Variants in DMD observed in about 807,000 individuals in gnomAD.
The protein encoded by DMD is mutant dystrophin.
A neutral mutation model predicts 330.1 loss-of-function variants in DMD; 63 were observed. That is an observed-to-expected ratio of 0.19 (90% CI 0.16 to 0.24). The LOEUF (loss-of-function observed/expected upper bound fraction) is 0.24, where lower values mean the gene tolerates loss of function less well. Ranked by LOEUF, DMD falls within the 10% of genes least tolerant of loss-of-function variation. The probability of loss-of-function intolerance (pLI) is 1.00; values close to 1 mark genes in which losing one functional copy is unlikely to be tolerated. For synonymous variants in DMD, 1,223 were observed against 959.8 expected (o/e 1.27, Z -5.07); for missense variants, 3,344 against 2,684.1 (o/e 1.25, Z -5.43).
At chrX:32,860,579 A>ATT (rs11427173) in intron 2 of DMD, among the ~76,000 whole-genome samples, 20 of 107,827 alleles carry the variant, frequency 1.9e-4, no homozygotes, top group African/African-American at 6.1e-4. Context: ...TTCCGAGTTG[A>ATT]TTTTTTTTTT....
In DMD at chrX:31,417,691, C is replaced by CT. The variant is rs767463746; in HGVS notation, c.9084+26789dup. Among the ~76,000 whole-genome samples the CT allele has an allele frequency of 6.3e-3, 627 of 99,203 alleles. 4 individuals carry two copies. The highest frequency in any genetic ancestry group is 0.017 in the African/African-American group (476 of 27,536). 86.1% of individuals were successfully genotyped at this position (99,203 alleles called of 115,157 possible). A position where few individuals can be genotyped will look rare whatever the true frequency, so the allele number is the denominator to read the frequency against. ...ATATACAGCAAATATATTATCACTT[C>CT]TTTTTTTTTTTTTTGGAGACAGTTT... is the stretch of plus-strand genomic sequence containing the variant. On this transcript the variant is annotated intron_variant, in intron 60 of 78. Transcript: ENST00000357033.
At chrX:33,130,845 C>T (rs1349376622) in intron 1 of DMD, among the ~76,000 whole-genome samples, 2 of 111,792 alleles carry the variant, frequency 1.8e-5, no homozygotes, top group Non-Finnish European at 3.8e-5. Flanking sequence ...GCCACAGCGC[C>T]TGGCCGGGAC....
At chrX:33,010,244 G>A (rs867940032) in intron 2 of DMD, among the ~76,000 whole-genome samples, 1 of 99,952 alleles carries the variant, frequency 1.0e-5, no homozygotes, top group Non-Finnish European at 2.0e-5. Context: ...ATGTACATAT[G>A]TGTGTATATA....
chrX:33,108,522 T>G (rs769401013), intron 1 of DMD, among the ~76,000 whole-genome samples: 30 of 106,146 alleles, frequency 2.8e-4, no homozygotes, highest in African/African-American at 9.8e-4. Flanking sequence ...CGCCTCAGCC[T>G]GCCAAAGTGC....
At chrX:31,849,522 C>T (rs965966789) in intron 48 of DMD, among the ~76,000 whole-genome samples, 26 of 110,158 alleles carry the variant, frequency 2.4e-4, no homozygotes, top group African/African-American at 8.6e-4. Context: ...ATGGAACATG[C>T]AAAGACAGGA....
intron 1 of DMD, among the ~76,000 whole-genome samples, chrX:33,168,812 G>C (rs902862784): frequency 1.8e-5 from 2 of 110,150 alleles, no homozygotes; most frequent in South Asian, 3.7e-4. Context: ...AAGAGAAGGC[G>C]TAAAGGATAC....
At chrX:32,403,610 C>T (rs1198977330) in intron 30 of DMD, among the ~76,000 whole-genome samples, 1 of 111,639 alleles carries the variant, frequency 9.0e-6, no homozygotes, top group Admixed American at 9.5e-5. Flanking sequence ...GTGTTTATGA[C>T]TGTTTCCCAC....
At chrX:32,632,627 G>A (rs1356480397) in intron 11 of DMD, among the ~76,000 whole-genome samples, 1 of 111,423 alleles carries the variant, frequency 9.0e-6, no homozygotes, top group Non-Finnish European at 1.9e-5. Flanking sequence ...CTTGCACTCT[G>A]TGCACCTGCA....
At chrX:32,654,609 CTCT>C (rs2060420080) in intron 9 of DMD, among the ~76,000 whole-genome samples, 1 of 99,590 alleles carries the variant, frequency 1.0e-5, no homozygotes, top group Non-Finnish European at 2.0e-5. Context: ...GTCTAAAATT[CTCT>C]TTTTTTTGTT....
At position 31,695,971 on chromosome X, in the gene DMD, T is replaced by C. The variant is rs2083432233; in HGVS notation, c.7661-16385A>G. On this transcript the variant is annotated intron_variant, in intron 52 of 78. Coordinates refer to ENST00000357033, the MANE Select transcript of DMD (RefSeq NM_004006.3). ...TGAGAAGTATTTGAGGTGATAGATATGCTATTAGCCTGATTTGATTATTCC... is the reference window on the plus strand; with the variant it reads ...TGAGAAGTATTTGAGGTGATAGATACGCTATTAGCCTGATTTGATTATTCC... 3.6e-5 allele frequency among the ~76,000 whole-genome samples: 4 copies of C among 111,704 alleles called. No individual in the cohort carries two copies. The Admixed American group carries it at 3.8e-4, about 11-fold the overall frequency.
At chrX:31,963,130 G>A (rs1261041420) in intron 45 of DMD, among the ~76,000 whole-genome samples, 2 of 111,751 alleles carry the variant, frequency 1.8e-5, no homozygotes, top group Non-Finnish European at 3.8e-5. Context: ...AATTGCTAAT[G>A]GAGACTTTCA....
upstream of DMD, among the ~76,000 whole-genome samples, chrX:33,212,200 A>G (rs2051945350): frequency 8.9e-6 from 1 of 112,579 alleles, no homozygotes; most frequent in South Asian, 3.6e-4. Flanking sequence ...CCTAAATTTC[A>G]GTTGTGAATT....
chrX:31,630,036 T>G (rs2079053164), intron 54 of DMD, among the ~76,000 whole-genome samples: 1 of 112,586 alleles, frequency 8.9e-6, no homozygotes, highest in Non-Finnish European at 1.9e-5. Flanking sequence ...AGCTTCATGA[T>G]GAGCTGCGCT....
At chrX:32,673,455 G>A (rs1342405955) in intron 9 of DMD, among the ~76,000 whole-genome samples, 1 of 111,365 alleles carries the variant, frequency 9.0e-6, no homozygotes, top group African/African-American at 3.3e-5. Context: ...AGAAAATATA[G>A]CTTTGTCTGA....
chrX:31,830,651 T>C (rs754697154), intron 49 of DMD, among the ~76,000 whole-genome samples: 1 of 112,263 alleles, frequency 8.9e-6, no homozygotes, highest in Non-Finnish European at 1.9e-5. Flanking sequence ...ACAGTTTTCC[T>C]AATATTTTGT....
At chrX:31,911,742 A>G (rs186358183) in intron 47 of DMD, among the ~76,000 whole-genome samples, 20 of 111,481 alleles carry the variant, frequency 1.8e-4, no homozygotes, top group Non-Finnish European at 3.0e-4. Context: ...AGTCTTGAAG[A>G]TGAGGGGCGT....
chrX:32,546,455 C>G (rs1175728069), intron 16 of DMD, among the ~76,000 whole-genome samples: 2 of 110,362 alleles, frequency 1.8e-5, no homozygotes, highest in Non-Finnish European at 3.8e-5. Context: ...ATCTCCCTGC[C>G]TCATACACGA....
At position 32,463,430 on chromosome X, in the gene DMD, T is replaced by C; in HGVS notation, c.3432+9A>G. On this transcript the variant is annotated intron_variant, in intron 25 of 78. Transcript: ENST00000357033. ...TGAGGCAAGCCACAGTGAAAGAGAT[T>C]GTCTATACCTGTTGGCACATGTGAT... The C allele has an allele frequency of 1.7e-6, 2 of 1,192,022 alleles. No individual in the cohort carries two copies. The highest frequency in any genetic ancestry group is 2.3e-6 in the Non-Finnish European group (2 of 884,576).
intron 2 of DMD, among the ~76,000 whole-genome samples, chrX:32,956,821 G>A (rs890093341): frequency 1.5e-4 from 17 of 111,063 alleles, no homozygotes; most frequent in African/African-American, 5.2e-4. Flanking sequence ...TAGACATGAA[G>A]CCCCTGCCCA....
Sources: gnomAD v4.1 joint callset for allele counts (sites outside exome capture counted in the v4.1 genomes callset) on GRCh38, gnomAD v4.1.1 for gene constraint, MANE v1.5 for transcripts, NCBI Gene and HGNC (gene_info 2026-07-23, HGNC 2026-07-21) for gene names.